The following PDCL2 variants were observed in gnomAD, a reference collection of about 807,000 sequenced individuals.
The protein encoded by PDCL2 is phosducin-like protein 2.
PDCL2 carries 23 observed loss-of-function variants against 30.3 expected under a neutral mutation model. That is an observed-to-expected ratio of 0.76 (90% CI 0.55 to 1.08). PDCL2 has a LOEUF of 1.08. Ranked by LOEUF, PDCL2 falls within the 50% of genes least tolerant of loss-of-function variation. PDCL2 has a pLI of 0.00. For missense variants in PDCL2, 243 were observed against 282.3 expected (o/e 0.86, Z 1.00); for synonymous variants, 68 against 86.2 (o/e 0.79, Z 1.17).
intron 2 of PDCL2, among the ~76,000 whole-genome samples, chr4:55,581,823 C>T (rs920622821): frequency 6.6e-6 from 1 of 152,184 alleles, no homozygotes; most frequent in Admixed American, 6.5e-5. Context: ...ACTGCCTCAG[C>T]CTCCTGAGTA....
chr4:55,560,065 G>A (rs1732084920), intron 5 of PDCL2, among the ~76,000 whole-genome samples: 1 of 151,878 alleles, frequency 6.6e-6, no homozygotes, highest in Admixed American at 6.6e-5. Flanking sequence ...GAATGTGAAT[G>A]TGCTTAATTC....
At chr4:55,559,422 C>T (rs781563807) in intron 5 of PDCL2, among the ~76,000 whole-genome samples, 2 of 152,086 alleles carry the variant, frequency 1.3e-5, no homozygotes, top group Non-Finnish European at 2.9e-5. Flanking sequence ...GTTATTGAAT[C>T]AGACATATAT....
intron 3 of PDCL2, among the ~76,000 whole-genome samples, chr4:55,578,508 C>A (rs1455345320): frequency 6.6e-6 from 1 of 152,110 alleles, no homozygotes; most frequent in African/African-American, 2.4e-5. Flanking sequence ...CAGACAGTTC[C>A]TGCTAGTACA....
intron 5 of PDCL2, 88 bp downstream of exon 5, chr4:55,562,316 T>C (rs1218053739): frequency 1.3e-5 from 11 of 848,764 alleles, no homozygotes; most frequent in African/African-American, 1.8e-5. Flanking sequence ...GAAAAAACCT[T>C]GGTACTAAGG....
At chr4:55,566,695 T>C (rs1325403349) in intron 4 of PDCL2, among the ~76,000 whole-genome samples, 1 of 152,170 alleles carries the variant, frequency 6.6e-6, no homozygotes, top group African/African-American at 2.4e-5. Context: ...CCCAAAGTGC[T>C]GGGATTACAG....
intron 5 of PDCL2, among the ~76,000 whole-genome samples, chr4:55,557,863 C>T (rs1226064687): frequency 5.3e-5 from 8 of 150,382 alleles, no homozygotes; most frequent in African/African-American, 7.4e-5. Flanking sequence ...CGCAGCACTT[C>T]GAAAGGCTGA....
rs145928577 is a variant in PDCL2 at position 55,586,975 on chromosome 4, G to A, written c.7-4738C>T. 2.8e-4 allele frequency among the ~76,000 whole-genome samples: 43 copies of A among 151,766 alleles called. 3 individuals carry two copies. Among genetic ancestry groups the A allele is most frequent in the African/African-American group, 9.7e-4 (40 of 41,206 alleles). ...ATTTGGAGATCTTCTTTTAAGAAAC[G>A]TCTATTCAAGTTTGTCTTAGTCCAG... is the stretch of plus-strand genomic sequence containing the variant. On this transcript the variant is annotated intron_variant, in intron 1 of 5. Transcript: ENST00000295645.
chr4:55,583,431 T>C (rs574701574), intron 1 of PDCL2, among the ~76,000 whole-genome samples: 1 of 152,332 alleles, frequency 6.6e-6, no homozygotes, highest in African/African-American at 2.4e-5. Flanking sequence ...TGTAATCTTG[T>C]CTATTTTTGC....
intron 4 of PDCL2, among the ~76,000 whole-genome samples, chr4:55,567,591 C>T (rs960286370): frequency 7.9e-5 from 12 of 152,170 alleles, no homozygotes; most frequent in Non-Finnish European, 1.8e-4. Flanking sequence ...GTATTCATCT[C>T]TTGAAACTGC....
chr4:55,588,318 G>C (rs1028404145), intron 1 of PDCL2, among the ~76,000 whole-genome samples: 2 of 152,146 alleles, frequency 1.3e-5, no homozygotes, highest in African/African-American at 4.8e-5. Flanking sequence ...ATATCTGATT[G>C]CTTCCTCTGC....
At chr4:55,585,143 C>T (rs752003279) in intron 1 of PDCL2, among the ~76,000 whole-genome samples, 12 of 152,164 alleles carry the variant, frequency 7.9e-5, no homozygotes, top group Non-Finnish European at 1.5e-4. Context: ...GGGATTTTTA[C>T]ATCTGTGTTC....
intron 3 of PDCL2, among the ~76,000 whole-genome samples, chr4:55,578,644 T>C (rs904292610): frequency 6.6e-6 from 1 of 152,124 alleles, no homozygotes; most frequent in Non-Finnish European, 1.5e-5. Context: ...TTTCTTATAA[T>C]TAAAGTTATG....
intron 5 of PDCL2, among the ~76,000 whole-genome samples, chr4:55,559,187 T>G (rs1732060520): frequency 6.6e-6 from 1 of 152,216 alleles, no homozygotes; most frequent in Non-Finnish European, 1.5e-5. Context: ...AAATTGATAC[T>G]TTCATTTACA....
At chr4:55,590,023 C>T (rs923681461) in intron 1 of PDCL2, among the ~76,000 whole-genome samples, 4 of 151,444 alleles carry the variant, frequency 2.6e-5, no homozygotes, top group Non-Finnish European at 5.9e-5. Context: ...ATGGTGAAAC[C>T]CTGTCTCTAC....
chr4:55,558,856 C>G (rs1434295561), intron 5 of PDCL2, among the ~76,000 whole-genome samples: 3 of 152,040 alleles, frequency 2.0e-5, no homozygotes, highest in East Asian at 1.9e-4. Flanking sequence ...AAAATAGTAT[C>G]CAGAACTTTA....
chr4:55,562,394 GT>G lies in PDCL2; in HGVS notation c.571+9del. 7.2e-7 allele frequency: 1 copy of G among 1,383,244 alleles called. No individual in the cohort carries two copies. Among genetic ancestry groups the G allele is most frequent in the Non-Finnish European group, 9.5e-7 (1 of 1,056,850 alleles). The allele number at this position is 1,383,244 out of a possible 1,614,324, so 85.7% of individuals were successfully genotyped here. ...CCTATCATTTTTATAAACAAAATTT[GT>G]AACATTACCTTCCAGCTTGAGATTT... On this transcript the variant is annotated intron_variant, in intron 5 of 5. Coordinates refer to ENST00000295645, the MANE Select transcript of PDCL2 (RefSeq NM_152401.3).
At chr4:55,564,703 T>C (rs889860143) in intron 4 of PDCL2, among the ~76,000 whole-genome samples, 1 of 152,134 alleles carries the variant, frequency 6.6e-6, no homozygotes, top group African/African-American at 2.4e-5. Flanking sequence ...TTCATTCCGA[T>C]AAAAAGTGGG....
chr4:55,573,840 T>G (rs1320951840), intron 3 of PDCL2, among the ~76,000 whole-genome samples: 1 of 150,870 alleles, frequency 6.6e-6, no homozygotes, highest in Admixed American at 6.6e-5. Flanking sequence ...AAAATTTTTA[T>G]CAAGTAAAAA....
At chr4:55,571,702 T>TAAAAAAAAAAAAAAAA (rs1560501588) in intron 3 of PDCL2, among the ~76,000 whole-genome samples, 2 of 137,614 alleles carry the variant, frequency 1.5e-5, no homozygotes, top group African/African-American at 5.5e-5. Context: ...AAAAAAAAAT[T>TAAAAAAAAAAAAAAAA]TTTGACCTTA....
Sources: gnomAD v4.1 joint callset for allele counts (sites outside exome capture counted in the v4.1 genomes callset) on GRCh38, gnomAD v4.1.1 for gene constraint, MANE v1.5 for transcripts, NCBI Gene and HGNC (gene_info 2026-07-23, HGNC 2026-07-21) for gene names.